Variants in HSD17B4 observed in about 807,000 individuals in gnomAD.
HSD17B4 encodes the protein hydroxysteroid 17-beta dehydrogenase 4.
In HSD17B4, 70 loss-of-function variants were observed where a neutral mutation model predicts 101.0. The observed-to-expected ratio is 0.69, with a 90% CI of 0.57 to 0.85. The LOEUF is 0.85. Ranked by LOEUF, HSD17B4 falls within the 40% of genes least tolerant of loss-of-function variation. HSD17B4 has a pLI of 0.00. For missense variants in HSD17B4, 984 were observed against 892.4 expected (o/e 1.10, Z -1.31); for synonymous variants, 347 against 297.1 (o/e 1.17, Z -1.73).
chr5:119,527,267 T>C (rs1316853953), intron 20 of HSD17B4, 48 bp downstream of exon 20: 2 of 1,060,828 alleles, frequency 1.9e-6, no homozygotes, highest in Non-Finnish European at 3.0e-6. Flanking sequence ...ATCATTGTGT[T>C]CCATCTTACC....
intron 1 of HSD17B4, among the ~76,000 whole-genome samples, chr5:119,455,086 A>G (rs1266907486): frequency 6.6e-6 from 1 of 152,272 alleles, no homozygotes; most frequent in African/African-American, 2.4e-5. Flanking sequence ...ATATTAAAAA[A>G]TGTAAACAAT....
chr5:119,496,480 A>G, intron 11 of HSD17B4, 63 bp from the exon 12 acceptor site: 1 of 883,890 alleles, frequency 1.1e-6, no homozygotes. Flanking sequence ...AGCATATTGT[A>G]GCTTTTCTTA....
chr5:119,538,537 A>G (rs949218492), intron 23 of HSD17B4, among the ~76,000 whole-genome samples: 1 of 152,206 alleles, frequency 6.6e-6, no homozygotes, highest in Admixed American at 6.5e-5. Context: ...TTGATAAAAA[A>G]TCTCCAGCAT....
chr5:119,528,041 T>C (rs1753756906), intron 20 of HSD17B4, among the ~76,000 whole-genome samples: 1 of 152,166 alleles, frequency 6.6e-6, no homozygotes. Flanking sequence ...ATAGAGCATA[T>C]TAAACAACTC....
chr5:119,471,117 T>A (rs1002998937), intron 2 of HSD17B4, among the ~76,000 whole-genome samples: 1 of 152,230 alleles, frequency 6.6e-6, no homozygotes, highest in Non-Finnish European at 1.5e-5. Flanking sequence ...TTGAACTTTC[T>A]TGTGCTTAAA....
chr5:119,472,299 C>T (rs1163528300), intron 2 of HSD17B4, among the ~76,000 whole-genome samples: 1 of 152,170 alleles, frequency 6.6e-6, no homozygotes, highest in African/African-American at 2.4e-5. Context: ...TGTGCTTAAT[C>T]TTTAAAAACT....
At position 119,482,708 on chromosome 5, in the gene HSD17B4, C is replaced by T. The variant is rs556671017; in HGVS notation, c.622+3687C>T. 3.9e-5 allele frequency among the ~76,000 whole-genome samples: 6 copies of T among 151,900 alleles called. No individual in the cohort carries two copies. In the South Asian group the frequency reaches 1.2e-3, roughly 32 times the overall value. On this transcript the variant is annotated intron_variant, in intron 8 of 23. Coordinates refer to ENST00000510025, the MANE Select transcript of HSD17B4 (RefSeq NM_000414.4). ...TTATACTCTGTTGTCTTTGAGTTTC[C>T]TTAGAAACTCTTTGTTAAGTAGAGT...
chr5:119,491,318 C>T lies in HSD17B4; in HGVS notation c.715-782C>T, dbSNP rs186865511. Among the ~76,000 whole-genome samples, 3 of 152,248 alleles carry T rather than the reference C, an allele frequency of 2.0e-5. No individual in the cohort carries two copies. In the East Asian group the frequency reaches 5.8e-4, roughly 29 times the overall value. ...AGGCAAAGGATGATGAAAAGCCACA[C>T]CCTTGAACTTAGAGCCACTAAGATG... On this transcript the variant is annotated intron_variant, in intron 9 of 23. Transcript: ENST00000510025.
chr5:119,460,286 G>A (rs561571625), intron 2 of HSD17B4, among the ~76,000 whole-genome samples: 1 of 152,254 alleles, frequency 6.6e-6, no homozygotes, highest in South Asian at 2.1e-4. Flanking sequence ...TACACTCTCC[G>A]CAACGGTAAG....
At chr5:119,536,159 TG>T in intron 22 of HSD17B4, 1 of 417,266 alleles carries the variant, frequency 2.4e-6, no homozygotes. Flanking sequence ...CTCAAGGTGA[TG>T]GTGGTGGTTG....
intron 2 of HSD17B4, among the ~76,000 whole-genome samples, chr5:119,465,245 G>A (rs1042791696): frequency 6.6e-6 from 1 of 152,036 alleles, no homozygotes; most frequent in African/African-American, 2.4e-5. Context: ...ATTGTAAATG[G>A]GATTGCTTTC....
At chr5:119,492,073 A>G in intron 9 of HSD17B4, 27 bp from the exon 10 acceptor site, 1 of 1,581,580 alleles carries the variant, frequency 6.3e-7, no homozygotes, top group Non-Finnish European at 8.7e-7. Context: ...ATTAGATGGT[A>G]TAATGTTTTC....
At chr5:119,478,302 A>G (rs1023459477) in intron 7 of HSD17B4, among the ~76,000 whole-genome samples, 3 of 152,172 alleles carry the variant, frequency 2.0e-5, no homozygotes, top group African/African-American at 7.2e-5. Context: ...ATACATACCT[A>G]ATAGAAGCAA....
At chr5:119,480,852 C>T (rs1302189295) in intron 8 of HSD17B4, among the ~76,000 whole-genome samples, 1 of 151,958 alleles carries the variant, frequency 6.6e-6, no homozygotes, top group African/African-American at 2.4e-5. Flanking sequence ...TTCTCAGGGA[C>T]GTTCCATGCT....
intron 16 of HSD17B4, among the ~76,000 whole-genome samples, chr5:119,512,665 T>A (rs868151390): frequency 1.3e-5 from 2 of 152,146 alleles, no homozygotes; most frequent in African/African-American, 4.8e-5. Context: ...CAACAAAAAC[T>A]GAGAGAATTT....
At chr5:119,485,370 T>C (rs1028795145) in intron 8 of HSD17B4, among the ~76,000 whole-genome samples, 1 of 152,194 alleles carries the variant, frequency 6.6e-6, no homozygotes, top group African/African-American at 2.4e-5. Context: ...ATGCCTACCA[T>C]GCTCTAGTAA....
At position 119,506,819 on chromosome 5, in the gene HSD17B4, A is replaced by G. The variant is rs764406724; in HGVS notation, c.1263A>G (p.Gly421=). ...TATTTCTTTTACTTTTCTTTCTAGGAAAATTAAAATGTGAAGCAGTTGTTG... is the reference window on the plus strand; with the variant it reads ...TATTTCTTTTACTTTTCTTTCTAGGGAAATTAAAATGTGAAGCAGTTGTTG... The part of the protein sequence containing the change: ...LELYKPLPRA[G]KLKCEAVVAD... Residue 421 remains glycine (G), a splice_region_variant and synonymous_variant, in exon 15 of 24, where the codon GGA becomes GGG. Coordinates refer to ENST00000510025, the MANE Select transcript of HSD17B4 (RefSeq NM_000414.4). 3.2e-6 allele frequency: 5 copies of G among 1,559,266 alleles called. No individual in the cohort carries two copies. Among genetic ancestry groups the G allele is most frequent in the Non-Finnish European group, 4.4e-6 (5 of 1,131,456 alleles).
chr5:119,512,073 A>T (rs1752226129), intron 16 of HSD17B4, among the ~76,000 whole-genome samples: 1 of 152,174 alleles, frequency 6.6e-6, no homozygotes, highest in African/African-American at 2.4e-5. Context: ...TGAGATGAAA[A>T]ATTTACTGTT....
At chr5:119,533,064 C>G (rs1274678097) in intron 22 of HSD17B4, among the ~76,000 whole-genome samples, 1 of 151,940 alleles carries the variant, frequency 6.6e-6, no homozygotes, top group Non-Finnish European at 1.5e-5. Flanking sequence ...AATCTGATTC[C>G]AAATTCCAAA....
Sources: allele counts gnomAD v4.1 joint callset (sites outside exome capture counted in the v4.1 genomes callset), GRCh38; gene constraint gnomAD v4.1.1; transcripts MANE v1.5; gene names NCBI Gene and HGNC (gene_info 2026-07-23, HGNC 2026-07-21).